Variants in GTF2IRD1 observed in about 807,000 individuals in gnomAD.
GTF2IRD1 encodes the protein general transcription factor II-I repeat domain-containing protein 1.
A neutral mutation model predicts 113.2 loss-of-function variants in GTF2IRD1; 26 were observed. The ratio of observed to expected loss-of-function variants is 0.23; its 90% CI spans 0.17 to 0.32. GTF2IRD1 has a LOEUF of 0.32. Ranked by LOEUF, GTF2IRD1 falls within the 10% of genes least tolerant of loss-of-function variation. The pLI is 1.00. For synonymous variants in GTF2IRD1, 484 were observed against 529.1 expected (o/e 0.91, Z 1.17); for missense variants, 864 against 1,280.8 (o/e 0.67, Z 4.97).
chr7:74,600,014 G>A (rs1257094799), intron 25 of GTF2IRD1, among the ~76,000 whole-genome samples: 2 of 152,204 alleles, frequency 1.3e-5, no homozygotes, highest in Non-Finnish European at 2.9e-5. Flanking sequence ...TCGGGTGCTC[G>A]TGAGTGAAAT....
At chr7:74,488,099 A>G (rs576035064) in intron 1 of GTF2IRD1, among the ~76,000 whole-genome samples, 2 of 152,302 alleles carry the variant, frequency 1.3e-5, no homozygotes, top group African/African-American at 4.8e-5. Context: ...TGGGCAACAC[A>G]GTGAGACCCT....
intron 9 of GTF2IRD1, among the ~76,000 whole-genome samples, chr7:74,534,721 A>G (rs1453922328): frequency 6.6e-6 from 1 of 151,678 alleles, no homozygotes; most frequent in Non-Finnish European, 1.5e-5. Flanking sequence ...TCAAAAAAAA[A>G]GTTAATTAAT....
intron 1 of GTF2IRD1, among the ~76,000 whole-genome samples, chr7:74,497,239 A>G (rs1190532714): frequency 6.6e-6 from 1 of 152,202 alleles, no homozygotes; most frequent in African/African-American, 2.4e-5. Context: ...ACCCCAAATC[A>G]TTGAAAACAG....
At chr7:74,584,003 C>T (rs1425439555) in intron 22 of GTF2IRD1, among the ~76,000 whole-genome samples, 3 of 152,046 alleles carry the variant, frequency 2.0e-5, no homozygotes, top group East Asian at 1.9e-4. Context: ...TATAGACCCC[C>T]GTGGGCCATG....
chr7:74,504,525 C>T lies in GTF2IRD1; in HGVS notation c.-6-3550C>T, dbSNP rs150490018. Among the ~76,000 whole-genome samples, 634 of 152,188 alleles carry T rather than the reference C, an allele frequency of 4.2e-3. 4 individuals carry two copies. Among genetic ancestry groups the T allele is most frequent in the African/African-American group, 0.014 (578 of 41,518 alleles). The stretch of plus-strand genomic sequence containing the variant: ...CCTGCATCCCTGTGAATGTGAGAAG[C>T]GTGGTCTTCCTACCGCATGGTGACA... On this transcript the variant is annotated intron_variant, in intron 1 of 26. Transcript: ENST00000424337.
intron 1 of GTF2IRD1, among the ~76,000 whole-genome samples, chr7:74,496,551 G>A (rs1428386002): frequency 1.6e-5 from 2 of 124,634 alleles, no homozygotes; most frequent in African/African-American, 6.6e-5. Flanking sequence ...GGGTGTGTGC[G>A]TTTGGGGGGT....
At chr7:74,488,570 C>T (rs1795148986) in intron 1 of GTF2IRD1, among the ~76,000 whole-genome samples, 1 of 151,652 alleles carries the variant, frequency 6.6e-6, no homozygotes, top group South Asian at 2.1e-4. Flanking sequence ...CCAGCCTGGG[C>T]AACATAGTGA....
intron 26 of GTF2IRD1, chr7:74,601,624 T>G (rs1039868598): frequency 8.9e-6 from 4 of 450,646 alleles, no homozygotes; most frequent in Non-Finnish European, 1.1e-5. Flanking sequence ...AATACAAAAT[T>G]AGCCGGGCAA....
intron 1 of GTF2IRD1, among the ~76,000 whole-genome samples, chr7:74,463,351 TC>T (rs1477135111): frequency 6.6e-6 from 1 of 152,082 alleles, no homozygotes; most frequent in Non-Finnish European, 1.5e-5. Context: ...TTCTCCCACT[TC>T]AGCCTCCTAA....
Position 74,502,235 on chromosome 7 carries a change from G to A in GTF2IRD1, c.-6-5840G>A, listed in dbSNP as rs1025624474. Among the ~76,000 whole-genome samples, 8 of 152,152 alleles carry A rather than the reference G, an allele frequency of 5.3e-5. No individual in the cohort carries two copies. In the South Asian group the frequency reaches 1.0e-3, roughly 20 times the overall value. On this transcript the variant is annotated intron_variant, in intron 1 of 26. Transcript: ENST00000424337. ...ATTATAGGCGTGAGCCACCATGCCC[G>A]GCCAGAAAGGGGAGTTTATTTAAAT...
intron 2 of GTF2IRD1, among the ~76,000 whole-genome samples, chr7:74,511,171 C>T (rs1554342863): frequency 6.6e-6 from 1 of 151,834 alleles, no homozygotes. Context: ...CTCCCCCGTC[C>T]CTGGGCCTTT....
intron 1 of GTF2IRD1, among the ~76,000 whole-genome samples, chr7:74,481,256 G>A (rs1488651122): frequency 6.6e-6 from 1 of 152,222 alleles, no homozygotes; most frequent in East Asian, 1.9e-4. Context: ...CTGGGCTCAA[G>A]CCATCCTCCC....
Position 74,521,219 on chromosome 7 carries a change from A to T in GTF2IRD1, c.928A>T (p.Thr310Ser). The T allele has an allele frequency of 1.2e-6, 2 of 1,600,932 alleles. No homozygotes were observed. Among genetic ancestry groups the T allele is most frequent in the Non-Finnish European group, 1.7e-6 (2 of 1,168,462 alleles). The change falls in exon 7 of 27, where the codon ACT becomes TCT. Residue 310 changes from threonine to serine, a missense_variant. This residue lies in a region of GTF2IRD1 where 195 missense variants were observed against 196.6 expected (regional missense o/e 0.99). Transcript: ENST00000424337. ...DFSDCCGQKP[T>S]GPGGPLIQNV... is the part of the protein sequence containing the mutation. ...TCTCCCTTGTCCAGGACAGAAGCCC[A>T]CTGGGCCTGGTGGGCCTCTCATCCA...
intron 1 of GTF2IRD1, among the ~76,000 whole-genome samples, chr7:74,482,337 C>T (rs782352672): frequency 6.6e-5 from 10 of 150,576 alleles, no homozygotes; most frequent in Non-Finnish European, 1.5e-4. Context: ...AAGTGATCCT[C>T]CTGCCTTAGC....
At chr7:74,467,363 G>T (rs1793788704) in intron 1 of GTF2IRD1, among the ~76,000 whole-genome samples, 1 of 152,214 alleles carries the variant, frequency 6.6e-6, no homozygotes, top group Admixed American at 6.5e-5. Context: ...GGCGATGGCA[G>T]TGGGGGCAGC....
chr7:74,518,404 A>G (rs907674412), intron 5 of GTF2IRD1, 82 bp downstream of exon 5: 11 of 1,162,724 alleles, frequency 9.5e-6, no homozygotes, highest in East Asian at 2.5e-5. Context: ...CCACTTAGCC[A>G]GAGGGGAAGG....
At chr7:74,527,582 C>T (rs782673040) in intron 8 of GTF2IRD1, among the ~76,000 whole-genome samples, 9 of 152,330 alleles carry the variant, frequency 5.9e-5, no homozygotes, top group Non-Finnish European at 1.0e-4. Context: ...TGGTTCACTC[C>T]TTTAATCCCA....
At chr7:74,513,961 T>C (rs2130142352) in intron 3 of GTF2IRD1, among the ~76,000 whole-genome samples, 1 of 152,218 alleles carries the variant, frequency 6.6e-6, no homozygotes, top group African/African-American at 2.4e-5. Context: ...TACAGTGAGC[T>C]ACGATGGCAC....
chr7:74,518,221 G>A lies in GTF2IRD1; in HGVS notation c.504G>A (p.Gly168=), dbSNP rs1352427700. The change falls in exon 5 of 27, where the codon GGG becomes GGA. Residue 168 remains glycine (G), a synonymous_variant. Coordinates refer to ENST00000424337, the MANE Select transcript of GTF2IRD1 (RefSeq NM_005685.4). ...LREPGLLAVQ[G]LPEGLAFRRP... is the part of the protein sequence containing the mutation. ...AGCCAGGGCTGCTGGCCGTGCAGGG[G>A]CTGCCCGAAGGCCTGGCCTTCCGAA... 6.2e-7 allele frequency: 1 copy of A among 1,611,568 alleles called. No homozygotes were observed. The highest frequency in any genetic ancestry group is 1.1e-5 in the South Asian group (1 of 90,972).
Sources: allele counts gnomAD v4.1 joint callset (sites outside exome capture counted in the v4.1 genomes callset), GRCh38; gene constraint gnomAD v4.1.1; regional missense constraint gnomAD v4.1.1; transcripts MANE v1.5; gene names NCBI Gene and HGNC (gene_info 2026-07-23, HGNC 2026-07-21).